Variants in ADAM22 observed in about 807,000 individuals in gnomAD.
ADAM22 encodes disintegrin and metalloproteinase domain-containing protein 22.
A neutral mutation model predicts 144.6 loss-of-function variants in ADAM22; 65 were observed. That is an observed-to-expected ratio of 0.45 (90% CI 0.37 to 0.55). The LOEUF is 0.55. Among genes scored for constraint, ADAM22 ranks in the 20% least tolerant of loss-of-function variants. ADAM22 has a pLI of 0.00. For synonymous variants in ADAM22, 391 were observed against 412.6 expected (o/e 0.95, Z 0.63); for missense variants, 974 against 1,184.9 (o/e 0.82, Z 2.61).
At chr7:87,951,081 C>A (rs1013652060) in intron 2 of ADAM22, among the ~76,000 whole-genome samples, 9 of 152,136 alleles carry the variant, frequency 5.9e-5, no homozygotes, top group African/African-American at 2.2e-4. Context: ...TTCTCCCATT[C>A]TGTAGGTTGC....
intron 7 of ADAM22, among the ~76,000 whole-genome samples, chr7:88,123,687 A>T (rs1446277909): frequency 1.3e-5 from 2 of 151,876 alleles, no homozygotes; most frequent in African/African-American, 2.4e-5. Flanking sequence ...TTAAGGTGGA[A>T]GATTAGATCA....
At chr7:87,938,039 T>G (rs183749272) in intron 2 of ADAM22, among the ~76,000 whole-genome samples, 101 of 152,266 alleles carry the variant, frequency 6.6e-4, no homozygotes, top group East Asian at 3.9e-4. Context: ...AGGCCAACTT[T>G]TCCTACAGTT....
Position 87,965,395 on chromosome 7 carries a change from G to A in ADAM22, c.247-12941G>A, listed in dbSNP as rs200061708. On this transcript the variant is annotated intron_variant, in intron 2 of 31. Coordinates refer to ENST00000413139, the MANE Select transcript of ADAM22 (RefSeq NM_001324418.2). ...AGATATGTTAGTAAAGAAGGCATAT[G>A]GTCCTATGTTTAAAGTTTGAAACAT... 3.3e-5 allele frequency among the ~76,000 whole-genome samples: 5 copies of A among 152,126 alleles called. No individual in the cohort carries two copies. In the East Asian group the frequency reaches 9.6e-4, roughly 29 times the overall value.
At chr7:88,097,892 G>A (rs1183352340) in intron 4 of ADAM22, among the ~76,000 whole-genome samples, 1 of 152,106 alleles carries the variant, frequency 6.6e-6, no homozygotes, top group Non-Finnish European at 1.5e-5. Flanking sequence ...TTCCTGGAAA[G>A]AGTTATAATT....
chr7:88,049,752 G>A (rs1805710207), intron 3 of ADAM22, among the ~76,000 whole-genome samples: 2 of 152,286 alleles, frequency 1.3e-5, no homozygotes, highest in South Asian at 4.1e-4. Flanking sequence ...GGGTGAAAGG[G>A]ATGATTTTTA....
At chr7:88,082,641 GA>G in intron 4 of ADAM22, among the ~76,000 whole-genome samples, 2 of 151,998 alleles carry the variant, frequency 1.3e-5, no homozygotes, top group East Asian at 3.9e-4. Context: ...AAATTTACAA[GA>G]AAAAAACAAA....
At chr7:88,174,109 T>G (rs1476298808) in intron 26 of ADAM22, among the ~76,000 whole-genome samples, 1 of 152,150 alleles carries the variant, frequency 6.6e-6, no homozygotes, top group African/African-American at 2.4e-5. Flanking sequence ...AACTTTCCAA[T>G]TCCTGGAGAG....
At chr7:87,996,755 C>G (rs1422456516) in intron 3 of ADAM22, among the ~76,000 whole-genome samples, 2 of 152,188 alleles carry the variant, frequency 1.3e-5, no homozygotes, top group Non-Finnish European at 2.9e-5. Context: ...GGCAGTGTTA[C>G]CAAATTGGTT....
chr7:88,128,553 C>T, intron 8 of ADAM22, 49 bp from the exon 9 acceptor site: 1 of 1,488,284 alleles, frequency 6.7e-7, no homozygotes, highest in Non-Finnish European at 9.3e-7. Flanking sequence ...CTTTTCGCAG[C>T]CAAGTTTAGA....
intron 3 of ADAM22, among the ~76,000 whole-genome samples, chr7:88,024,966 G>C (rs1160488458): frequency 6.6e-6 from 1 of 151,832 alleles, no homozygotes; most frequent in Admixed American, 6.6e-5. Flanking sequence ...GGACATTTGG[G>C]TTGGTTCCAA....
intron 3 of ADAM22, among the ~76,000 whole-genome samples, chr7:88,051,459 C>A (rs1197600622): frequency 6.6e-5 from 10 of 152,068 alleles, no homozygotes; most frequent in Admixed American, 2.0e-4. Flanking sequence ...GGACAGAAAA[C>A]CAGACACCGC....
At chr7:88,182,110 C>T (rs1299809746) in intron 29 of ADAM22, 86 bp downstream of exon 29, 2 of 1,192,798 alleles carry the variant, frequency 1.7e-6, no homozygotes, top group African/African-American at 3.1e-5. Context: ...AGTCAAAGAA[C>T]TGTAAACCAT....
chr7:88,156,915 A>T (rs1179783557), intron 22 of ADAM22, among the ~76,000 whole-genome samples: 1 of 152,126 alleles, frequency 6.6e-6, no homozygotes, highest in African/African-American at 2.4e-5. Flanking sequence ...GTAACATGAA[A>T]AAAAAAAGAC....
At chr7:88,134,267 C>T (rs1275279220) in intron 12 of ADAM22, 62 bp from the exon 13 acceptor site, 5 of 1,283,326 alleles carry the variant, frequency 3.9e-6, no homozygotes, top group African/African-American at 3.0e-5. Context: ...ACATTTTTCT[C>T]TGGTTCTTTG....
intron 2 of ADAM22, among the ~76,000 whole-genome samples, chr7:87,945,516 C>CTT (rs773312797): frequency 2.8e-5 from 4 of 140,782 alleles, no homozygotes; most frequent in Non-Finnish European, 6.3e-5. Context: ...TCTTTTCTTT[C>CTT]TTTTTTTTTT....
chr7:88,068,532 GA>G (rs1811882842), intron 3 of ADAM22, among the ~76,000 whole-genome samples: 1 of 152,128 alleles, frequency 6.6e-6, no homozygotes, highest in Non-Finnish European at 1.5e-5. Context: ...CTGCTCTAAG[GA>G]AAACATAGTA....
rs1016967828 is a variant in ADAM22, at chr7:88,197,194, T to A, written c.*703T>A. 2.0e-5 allele frequency: 3 copies of A among 152,328 alleles called. No homozygotes were observed. The highest frequency in any genetic ancestry group is 2.0e-4 in the Admixed American group (3 of 15,292). The allele number at this position is 152,328 out of a possible 1,614,324, so 9.4% of individuals were successfully genotyped here. A position where few individuals can be genotyped will look rare whatever the true frequency, so the allele number is the denominator to read the frequency against. On this transcript the variant is annotated 3_prime_UTR_variant, in exon 32 of 32. Coordinates refer to ENST00000413139, the MANE Select transcript of ADAM22 (RefSeq NM_001324418.2). ...CAAATGCCTAAAAATTCCGTCACAA[T>A]CACATCATCGTCATCCATCCAGTGA...
intron 3 of ADAM22, among the ~76,000 whole-genome samples, chr7:87,991,556 C>T (rs1343025634): frequency 2.0e-5 from 3 of 151,024 alleles, no homozygotes; most frequent in South Asian, 4.2e-4. Context: ...TTAGTAGAGA[C>T]GGGGTTTCAC....
intron 3 of ADAM22, among the ~76,000 whole-genome samples, chr7:88,069,881 G>A (rs1044753286): frequency 1.1e-4 from 16 of 152,204 alleles, no homozygotes; most frequent in African/African-American, 3.9e-4. Flanking sequence ...AATCAGGTAT[G>A]TCACTGGTTT....
Sources: gnomAD v4.1 joint callset for allele counts (sites outside exome capture counted in the v4.1 genomes callset) on GRCh38, gnomAD v4.1.1 for gene constraint, MANE v1.5 for transcripts, NCBI Gene and HGNC (gene_info 2026-07-23, HGNC 2026-07-21) for gene names.